Variants in PCSK5 observed in about 807,000 individuals in gnomAD.
PCSK5 encodes proprotein convertase subtilisin/kexin type 5, also known as prohormone convertase 5.
A neutral mutation model predicts 233.2 loss-of-function variants in PCSK5; 129 were observed. That is an observed-to-expected ratio of 0.55 (90% CI 0.48 to 0.64). The LOEUF (loss-of-function observed/expected upper bound fraction) is 0.64, where lower values mean the gene tolerates loss of function less well. PCSK5 is among the 30% of genes least tolerant of loss of function. The pLI is 0.00. For missense variants in PCSK5, 2,076 were observed against 2,430.1 expected, an observed-to-expected ratio of 0.85 and a Z score of 3.06; for synonymous variants, 825 against 879.2, an observed-to-expected ratio of 0.94 and a Z score of 1.09.
rs2201499 is a variant in PCSK5, at chr9:76,215,554, C to T, written c.2627-11949C>T. ...AAAGAGGCCACCAAGGGGAAAGTTA[C>T]TTAACTAATTCAGGAAGGTGTGGTG... On this transcript the variant is annotated intron_variant, in intron 20 of 37. Coordinates refer to ENST00000674117, the MANE Select transcript of PCSK5 (RefSeq NM_001372043.1). Among the ~76,000 whole-genome samples the T allele has an allele frequency of 8.1e-3, 1,233 of 152,272 alleles. 17 individuals are homozygous for T. Among genetic ancestry groups the T allele is most frequent in the African/African-American group, 0.027 (1,126 of 41,550 alleles).
intron 3 of PCSK5, among the ~76,000 whole-genome samples, chr9:76,008,203 G>A (rs1486005881): frequency 2.0e-5 from 3 of 152,074 alleles, no homozygotes; most frequent in African/African-American, 7.2e-5. Context: ...GATCTCAAGA[G>A]CGGGTTCTGC....
rs894614748 is a variant in PCSK5 at position 76,097,384 on chromosome 9, C to T, written c.1107+1282C>T. ...ACGCCATTCTCCTGCCTCAGCCTCC[C>T]GAGTAGCTGGGACTACAGGCGCCCG... On this transcript the variant is annotated intron_variant, in intron 8 of 37. Coordinates refer to ENST00000674117, the MANE Select transcript of PCSK5 (RefSeq NM_001372043.1). 2.6e-5 allele frequency among the ~76,000 whole-genome samples: 4 copies of T among 151,226 alleles called. No individual in the cohort carries two copies. The East Asian group carries it at 7.8e-4, about 30-fold the overall frequency.
At chr9:76,221,984 A>G (rs1356619494) in intron 20 of PCSK5, among the ~76,000 whole-genome samples, 1 of 152,222 alleles carries the variant, frequency 6.6e-6, no homozygotes, top group Non-Finnish European at 1.5e-5. Flanking sequence ...AGAGAATGGG[A>G]TAGAGAAGAG....
chr9:76,144,656 A>G (rs543941275), intron 10 of PCSK5, among the ~76,000 whole-genome samples: 1 of 152,324 alleles, frequency 6.6e-6, no homozygotes, highest in Non-Finnish European at 1.5e-5. Flanking sequence ...TCCCTGTTGC[A>G]TGGAATTCTG....
Position 76,080,037 on chromosome 9 carries a change from C to T in PCSK5, c.894+8139C>T, listed in dbSNP as rs538995693. Among the ~76,000 whole-genome samples the T allele has an allele frequency of 8.5e-5, 13 of 152,276 alleles. No homozygotes were observed. In the South Asian group the frequency reaches 2.1e-3, roughly 24 times the overall value. On this transcript the variant is annotated intron_variant, in intron 7 of 37. Transcript: ENST00000674117. The stretch of plus-strand genomic sequence containing the variant: ...ATGGTATATTAGCTTTGATGTGCTG[C>T]TGGATTCAGTTTCTTATGTCCTCCC...
chr9:75,921,594 G>C (rs1015075759), intron 1 of PCSK5, among the ~76,000 whole-genome samples: 3 of 151,042 alleles, frequency 2.0e-5, no homozygotes, highest in African/African-American at 7.4e-5. Context: ...GTGTGTGTGT[G>C]TATGGGAAAT....
intron 24 of PCSK5, among the ~76,000 whole-genome samples, chr9:76,251,284 C>A (rs1826794039): frequency 6.6e-6 from 1 of 151,598 alleles, no homozygotes; most frequent in Non-Finnish European, 1.5e-5. Context: ...AGAAAGAAGG[C>A]CAGGCGCGGT....
chr9:76,213,471 C>T (rs1205385879), intron 20 of PCSK5, among the ~76,000 whole-genome samples: 1 of 152,150 alleles, frequency 6.6e-6, no homozygotes, highest in East Asian at 1.9e-4. Context: ...TCCCTGAGAT[C>T]TGATGGCTCA....
chr9:76,071,279 G>A (rs1398076455), intron 6 of PCSK5, among the ~76,000 whole-genome samples: 3 of 152,054 alleles, frequency 2.0e-5, no homozygotes, highest in Non-Finnish European at 4.4e-5. Flanking sequence ...ATTAAATATG[G>A]AGGATACGAG....
intron 28 of PCSK5, among the ~76,000 whole-genome samples, chr9:76,308,198 AAAAAGAAAAG>A (rs766739365): frequency 1.3e-5 from 2 of 152,196 alleles, no homozygotes; most frequent in African/African-American, 2.4e-5. Context: ...CTCTGTCTCA[AAAAAGAAAAG>A]AAAAGAAAAG....
intron 33 of PCSK5, among the ~76,000 whole-genome samples, chr9:76,330,521 G>T (rs1208331614): frequency 1.3e-5 from 2 of 152,042 alleles, no homozygotes; most frequent in African/African-American, 4.8e-5. Flanking sequence ...GGTCGAGGCA[G>T]GAGGATTGCT....
intron 24 of PCSK5, among the ~76,000 whole-genome samples, chr9:76,283,296 G>A (rs78046949): frequency 0.051 from 7,729 of 152,120 alleles, 593 homozygotes; most frequent in African/African-American, 0.17. Context: ...TGTAAAGGAG[G>A]GTCAATCAAC....
At chr9:76,151,049 G>A (rs1332855939) in intron 10 of PCSK5, among the ~76,000 whole-genome samples, 4 of 150,982 alleles carry the variant, frequency 2.6e-5, no homozygotes, top group East Asian at 3.9e-4. Flanking sequence ...TACATTATGC[G>A]TGTGGGACGT....
In PCSK5 at chr9:76,176,021, CAAAA is replaced by C. The variant is rs5898456; in HGVS notation, c.1900+900_1900+903del. On this transcript the variant is annotated intron_variant, in intron 14 of 37. Coordinates refer to ENST00000674117, the MANE Select transcript of PCSK5 (RefSeq NM_001372043.1). ...TTTGTTTTGGTTTGTGTTGTTTTGA[CAAAA>C]AAAAAAACTATTAGAGGCTGGGGTT... Among the ~76,000 whole-genome samples the C allele has an allele frequency of 2.7e-5, 4 of 147,740 alleles. No homozygotes were observed. In the South Asian group the frequency reaches 6.5e-4, roughly 24 times the overall value.
chr9:76,104,352 A>C (rs1410671109), intron 8 of PCSK5, among the ~76,000 whole-genome samples: 1 of 151,796 alleles, frequency 6.6e-6, no homozygotes, highest in Admixed American at 6.6e-5. Context: ...TTTTAACTTT[A>C]CCCCTTTCCA....
intron 24 of PCSK5, among the ~76,000 whole-genome samples, chr9:76,249,903 A>G (rs922602354): frequency 4.6e-5 from 7 of 152,246 alleles, no homozygotes; most frequent in African/African-American, 1.7e-4. Context: ...TAAAATAAGT[A>G]TCCATGAGTT....
intron 9 of PCSK5, among the ~76,000 whole-genome samples, chr9:76,133,579 T>C (rs1822848749): frequency 6.6e-6 from 1 of 152,074 alleles, no homozygotes; most frequent in Non-Finnish European, 1.5e-5. Flanking sequence ...TCCTTAAAAA[T>C]GCTGAAAATT....
At chr9:76,007,481 A>G (rs1827528359) in intron 3 of PCSK5, among the ~76,000 whole-genome samples, 3 of 151,900 alleles carry the variant, frequency 2.0e-5, no homozygotes, top group Admixed American at 2.0e-4. Flanking sequence ...TGAATGACTT[A>G]TTAAGTCTCC....
chr9:76,231,020 G>A (rs1163302231), intron 21 of PCSK5, among the ~76,000 whole-genome samples: 1 of 152,012 alleles, frequency 6.6e-6, no homozygotes, highest in Non-Finnish European at 1.5e-5. Context: ...CATGAAACTG[G>A]TCTGTACTAG....
Sources: gnomAD v4.1 joint callset for allele counts (sites outside exome capture counted in the v4.1 genomes callset) on GRCh38, gnomAD v4.1.1 for gene constraint, MANE v1.5 for transcripts, NCBI Gene and HGNC (gene_info 2026-07-23, HGNC 2026-07-21) for gene names.